PRR16: variants seen among roughly 807,000 people sequenced by gnomAD.
PRR16 encodes the protein proline rich 16.
A neutral mutation model predicts 18.2 loss-of-function variants in PRR16; 6 were observed. The observed-to-expected ratio is 0.33, with a 90% CI of 0.18 to 0.65. The LOEUF (loss-of-function observed/expected upper bound fraction) is 0.65. Ranked by LOEUF, PRR16 falls within the 30% of genes least tolerant of loss-of-function variation. PRR16 has a pLI of 0.74. For synonymous variants in PRR16, 151 were observed against 147.8 expected (o/e 1.02, Z -0.16); for missense variants, 412 against 376.6 (o/e 1.09, Z -0.78).
intron 1 of PRR16, among the ~76,000 whole-genome samples, chr5:120,542,703 C>G (rs995519326): frequency 1.3e-5 from 2 of 152,120 alleles, no homozygotes; most frequent in African/African-American, 4.8e-5. Flanking sequence ...GATGGTATAT[C>G]TTATAATTAC....
At chr5:120,623,257 T>G (rs962096239) in intron 1 of PRR16, among the ~76,000 whole-genome samples, 2 of 152,148 alleles carry the variant, frequency 1.3e-5, no homozygotes, top group African/African-American at 2.4e-5. Flanking sequence ...ACAACATTAA[T>G]TAATATGAAT....
At chr5:120,738,252 T>C in the PRR16 span, among the ~76,000 whole-genome samples, 4 of 152,132 alleles carry the variant, frequency 2.6e-5, no homozygotes, top group African/African-American at 4.8e-5. Context: ...GGCTCGTGGG[T>C]ATAGCTGTAA....
At chr5:120,616,854 C>G (rs1405469172) in intron 1 of PRR16, among the ~76,000 whole-genome samples, 2 of 152,150 alleles carry the variant, frequency 1.3e-5, no homozygotes, top group Admixed American at 6.6e-5. Context: ...CTGATCAATA[C>G]TCATACTTCT....
At chr5:120,677,029 A>C (rs1433570719) in intron 1 of PRR16, among the ~76,000 whole-genome samples, 1 of 152,240 alleles carries the variant, frequency 6.6e-6, no homozygotes, top group Non-Finnish European at 1.5e-5. Flanking sequence ...AGTAGAATTC[A>C]ATATAATTTT....
At chr5:120,492,755 A>G (rs778403611) in intron 1 of PRR16, among the ~76,000 whole-genome samples, 1 of 151,992 alleles carries the variant, frequency 6.6e-6, no homozygotes, top group African/African-American at 2.4e-5. Flanking sequence ...ATATCACTCT[A>G]TATGTTTTGG....
chr5:120,696,395 T>C, the PRR16 span, among the ~76,000 whole-genome samples: 1 of 152,222 alleles, frequency 6.6e-6, no homozygotes, highest in South Asian at 2.1e-4. Flanking sequence ...TTAAAGGCAG[T>C]ACTTACCATA....
chr5:120,763,108 A>T, the PRR16 span, among the ~76,000 whole-genome samples: 1 of 151,426 alleles, frequency 6.6e-6, no homozygotes, highest in Non-Finnish European at 1.5e-5. Context: ...TTGTTTCTGG[A>T]TTGTTTATTC....
intron 1 of PRR16, among the ~76,000 whole-genome samples, chr5:120,665,861 C>T (rs1459726830): frequency 6.6e-6 from 1 of 152,086 alleles, no homozygotes; most frequent in Non-Finnish European, 1.5e-5. Context: ...GTTACTGTAG[C>T]CTTGTAGTAT....
chr5:120,588,390 C>A (rs888530180), intron 1 of PRR16, among the ~76,000 whole-genome samples: 1 of 152,116 alleles, frequency 6.6e-6, no homozygotes. Flanking sequence ...ATTCACGTGG[C>A]AAATTTTAGT....
At chr5:120,539,811 G>GA (rs1431339833) in intron 1 of PRR16, among the ~76,000 whole-genome samples, 1 of 152,128 alleles carries the variant, frequency 6.6e-6, no homozygotes, top group Non-Finnish European at 1.5e-5. Flanking sequence ...TGGATGTTGT[G>GA]AAAAACACTG....
At chr5:120,465,513 G>C (rs1749047578) in intron 1 of PRR16, 1 of 152,498 alleles carries the variant, frequency 6.6e-6, no homozygotes, top group South Asian at 2.1e-4. Context: ...CTAGCCCCAG[G>C]TGATCCAGAT....
At chr5:120,708,937 A>C in the PRR16 span, among the ~76,000 whole-genome samples, 1 of 149,976 alleles carries the variant, frequency 6.7e-6, no homozygotes, top group Non-Finnish European at 1.5e-5. Context: ...TGTTTGTTCA[A>C]AATATCTTCT....
the PRR16 span, among the ~76,000 whole-genome samples, chr5:120,784,986 C>G: frequency 6.6e-6 from 1 of 152,086 alleles, no homozygotes; most frequent in Non-Finnish European, 1.5e-5. Context: ...CCTGACCACC[C>G]GCTGCTATTA....
chr5:120,754,043 G>A, the PRR16 span, among the ~76,000 whole-genome samples: 22 of 121,358 alleles, frequency 1.8e-4, no homozygotes, highest in South Asian at 4.6e-4. Context: ...TATCAGTATC[G>A]TATTCATCTG....
chr5:120,608,784 C>A (rs1754238363), intron 1 of PRR16, among the ~76,000 whole-genome samples: 2 of 152,128 alleles, frequency 1.3e-5, no homozygotes, highest in South Asian at 4.2e-4. Context: ...AAATTCCTGC[C>A]ATGATCCAGG....
chr5:120,498,308 A>G (rs927481481), intron 1 of PRR16, among the ~76,000 whole-genome samples: 8 of 149,014 alleles, frequency 5.4e-5, no homozygotes, highest in African/African-American at 2.0e-4. Context: ...AAAAATACCT[A>G]TGTTATATAT....
the PRR16 span, among the ~76,000 whole-genome samples, chr5:120,698,558 G>A: frequency 6.8e-6 from 1 of 148,086 alleles, no homozygotes; most frequent in Non-Finnish European, 1.5e-5. Context: ...ACCGTGAATA[G>A]GAGTATGACT....
chr5:120,617,275 C>A, intron 1 of PRR16: 1 of 611,212 alleles, frequency 1.6e-6, no homozygotes, highest in Non-Finnish European at 2.0e-6. Context: ...ACCAATATAT[C>A]ATTTGTAATT....
chr5:120,503,085 G>A (rs1750520026), intron 1 of PRR16, among the ~76,000 whole-genome samples: 1 of 152,108 alleles, frequency 6.6e-6, no homozygotes, highest in Non-Finnish European at 1.5e-5. Context: ...AGTTAATCTT[G>A]GTTAAAGACA....
Sources: gnomAD v4.1 joint callset for allele counts (sites outside exome capture counted in the v4.1 genomes callset) on GRCh38, gnomAD v4.1.1 for gene constraint, MANE v1.5 for transcripts, NCBI Gene and HGNC (gene_info 2026-07-23, HGNC 2026-07-21) for gene names.